PITPNC1: variants seen among roughly 807,000 people sequenced by gnomAD.
The protein encoded by PITPNC1 is phosphatidylinositol transfer protein cytoplasmic 1, also known as cytoplasmic phosphatidylinositol transfer protein 1.
A neutral mutation model predicts 44.7 loss-of-function variants in PITPNC1; 18 were observed. The observed-to-expected ratio is 0.40, with a 90% CI of 0.28 to 0.60. The LOEUF (loss-of-function observed/expected upper bound fraction) is 0.60. Ranked by LOEUF, PITPNC1 falls within the 20% of genes least tolerant of loss-of-function variation. The pLI is 0.39. For synonymous variants in PITPNC1, 141 were observed against 149.6 expected, an observed-to-expected ratio of 0.94 and a Z score of 0.42; for missense variants, 290 against 418.4, an observed-to-expected ratio of 0.69 and a Z score of 2.68.
At position 67,620,217 on chromosome 17, in the gene PITPNC1, C is replaced by T. The variant is rs144928987; in HGVS notation, c.367-11926C>T. ...CATAGATGCTTGCCACCACACCTGA[C>T]GAATTTTTAAAATTTTTGTAGAGAC... On this transcript the variant is annotated intron_variant, in intron 5 of 8. Coordinates refer to ENST00000581322, the MANE Select transcript of PITPNC1 (RefSeq NM_012417.4). 3.9e-5 allele frequency among the ~76,000 whole-genome samples: 6 copies of T among 152,078 alleles called. No individual in the cohort carries two copies. The South Asian group carries it at 1.0e-3, about 26-fold the overall frequency.
intron 5 of PITPNC1, among the ~76,000 whole-genome samples, chr17:67,589,333 G>A (rs760130135): frequency 6.6e-5 from 10 of 152,174 alleles, no homozygotes; most frequent in East Asian, 1.9e-4. Context: ...AACTTACCGC[G>A]GATAATCATT....
intron 2 of PITPNC1, among the ~76,000 whole-genome samples, chr17:67,534,208 T>G (rs934236971): frequency 8.5e-5 from 13 of 152,160 alleles, no homozygotes; most frequent in African/African-American, 3.1e-4. Context: ...CTTGCTATTT[T>G]CTTACTATGA....
Position 67,479,589 on chromosome 17 carries a change from T to C in PITPNC1, c.49-53213T>C, listed in dbSNP as rs569106794. Among the ~76,000 whole-genome samples the C allele has an allele frequency of 6.9e-4, 105 of 152,314 alleles. No individual in the cohort carries two copies. The South Asian group carries it at 0.022, about 32-fold the overall frequency. ...TAGTAAGACTTTCTTTCTCATAGAA[T>C]GCCATACGGCTTCTTGGAACAAAGG... is the stretch of plus-strand genomic sequence containing the variant. On this transcript the variant is annotated intron_variant, in intron 1 of 8. Transcript: ENST00000581322.
chr17:67,546,362 G>T (rs1055633013), intron 2 of PITPNC1, among the ~76,000 whole-genome samples: 9 of 151,908 alleles, frequency 5.9e-5, no homozygotes, highest in South Asian at 2.1e-4. Flanking sequence ...CACATGGGGT[G>T]CTTCCTTCCA....
At chr17:67,434,351 T>A (rs116963662) in intron 1 of PITPNC1, among the ~76,000 whole-genome samples, 4,304 of 152,290 alleles carry the variant, frequency 0.028, 91 homozygotes, top group South Asian at 0.12. Flanking sequence ...ACACATGGTG[T>A]TGCCACCCCA....
intron 4 of PITPNC1, among the ~76,000 whole-genome samples, chr17:67,576,709 G>A (rs903001080): frequency 6.6e-6 from 1 of 152,164 alleles, no homozygotes; most frequent in Non-Finnish European, 1.5e-5. Flanking sequence ...CATAGGACTT[G>A]ACTCAGCGAG....
intron 8 of PITPNC1, among the ~76,000 whole-genome samples, chr17:67,684,624 AT>A (rs2042779990): frequency 6.6e-6 from 1 of 151,958 alleles, no homozygotes; most frequent in African/African-American, 2.4e-5. Context: ...GACTAAATTG[AT>A]TTCATATGCT....
chr17:67,687,024 G>C, intron 8 of PITPNC1: 3 of 1,101,894 alleles, frequency 2.7e-6, no homozygotes, highest in Non-Finnish European at 4.2e-6. Flanking sequence ...TTGAAAGTTT[G>C]CATCTAATAA....
intron 6 of PITPNC1, among the ~76,000 whole-genome samples, chr17:67,636,426 G>A (rs575764057): frequency 3.4e-4 from 52 of 152,066 alleles, no homozygotes; most frequent in African/African-American, 1.2e-3. Flanking sequence ...CCCCTGGCCC[G>A]CCCTGGAGTC....
At chr17:67,386,172 T>G (rs1156359255) in intron 1 of PITPNC1, among the ~76,000 whole-genome samples, 1 of 152,212 alleles carries the variant, frequency 6.6e-6, no homozygotes, top group Non-Finnish European at 1.5e-5. Context: ...TTATTTATTG[T>G]AGGCATTAAA....
At chr17:67,636,906 C>T (rs1406581672) in intron 6 of PITPNC1, among the ~76,000 whole-genome samples, 1 of 152,186 alleles carries the variant, frequency 6.6e-6, no homozygotes, top group East Asian at 1.9e-4. Context: ...TGAAATCTGA[C>T]CTTGTTCTTT....
intron 1 of PITPNC1, among the ~76,000 whole-genome samples, chr17:67,497,399 C>A (rs2039967622): frequency 6.6e-6 from 1 of 150,826 alleles, no homozygotes; most frequent in Admixed American, 6.6e-5. Context: ...GTACTGTATT[C>A]TTTGGAGCAG....
Position 67,457,289 on chromosome 17 carries a change from G to A in PITPNC1, c.49-75513G>A, listed in dbSNP as rs2039268771. The A allele has an allele frequency of 2.6e-5, 4 of 152,242 alleles. No individual in the cohort carries two copies. The South Asian group carries it at 6.2e-4, about 24-fold the overall frequency. The allele number at this position is 152,242 out of a possible 1,614,324, so 9.4% of individuals were successfully genotyped here. On this transcript the variant is annotated intron_variant, in intron 1 of 8. Transcript: ENST00000581322. Reference sequence around the variant, plus strand: ...CTATAGTCTCGTGCCGCCAAACCCTGCTCAGCTCTCATTTGTTACTGAGAA... The same window carrying A: ...CTATAGTCTCGTGCCGCCAAACCCTACTCAGCTCTCATTTGTTACTGAGAA...
intron 5 of PITPNC1, among the ~76,000 whole-genome samples, chr17:67,624,327 T>G (rs991011415): frequency 7.1e-6 from 1 of 141,514 alleles, no homozygotes; most frequent in Admixed American, 7.4e-5. Context: ...TCCTCCCACC[T>G]CAGCCTCCTG....
At chr17:67,621,227 A>ATTTTATTTTATTTTATTTTATTTTAT (rs1567743362) in intron 5 of PITPNC1, among the ~76,000 whole-genome samples, 1 of 12,334 alleles carries the variant, frequency 8.1e-5, no homozygotes, top group African/African-American at 1.3e-4. Flanking sequence ...TTTTATTTTA[A>ATTTTATTTTATTTTATTTTATTTTAT]GACAAAGTTT....
intron 5 of PITPNC1, among the ~76,000 whole-genome samples, chr17:67,617,830 C>T (rs906825608): frequency 6.6e-6 from 1 of 152,124 alleles, no homozygotes; most frequent in Non-Finnish European, 1.5e-5. Flanking sequence ...GGATACCAGT[C>T]GTCAGATTTA....
chr17:67,540,214 G>A (rs2040588114), intron 2 of PITPNC1, among the ~76,000 whole-genome samples: 1 of 151,776 alleles, frequency 6.6e-6, no homozygotes, highest in Non-Finnish European at 1.5e-5. Flanking sequence ...AGAGATACTC[G>A]TGCCTCAGCC....
At chr17:67,622,073 C>T (rs547812201) in intron 5 of PITPNC1, among the ~76,000 whole-genome samples, 20 of 151,910 alleles carry the variant, frequency 1.3e-4, no homozygotes, top group African/African-American at 4.3e-4. Context: ...ATCGAGACCA[C>T]GGTGAAACCC....
chr17:67,591,478 A>C (rs958116299), intron 5 of PITPNC1, among the ~76,000 whole-genome samples: 1 of 152,168 alleles, frequency 6.6e-6, no homozygotes, highest in Non-Finnish European at 1.5e-5. Flanking sequence ...CAGGTGAGAG[A>C]CTGTCTTTAT....
Sources: allele counts gnomAD v4.1 joint callset (sites outside exome capture counted in the v4.1 genomes callset), GRCh38; gene constraint gnomAD v4.1.1; transcripts MANE v1.5; gene names NCBI Gene and HGNC (gene_info 2026-07-23, HGNC 2026-07-21).